AKAP19: variants seen among roughly 807,000 people sequenced by gnomAD.
AKAP19 encodes small A-kinase anchoring protein.
At chr2:189,987,125 A>G in the AKAP19 span, among the ~76,000 whole-genome samples, 1 of 152,130 alleles carries the variant, frequency 6.6e-6, no homozygotes, top group African/African-American at 2.4e-5. Context: ...GAATTCCCAC[A>G]TGTTGTGAGA....
the AKAP19 span, among the ~76,000 whole-genome samples, chr2:189,932,394 C>G: frequency 1.8e-5 from 2 of 113,024 alleles, no homozygotes; most frequent in African/African-American, 3.4e-5. Context: ...GGCGACTGAG[C>G]GAGACTCCAA....
the AKAP19 span, among the ~76,000 whole-genome samples, chr2:189,972,978 T>G: frequency 3.3e-5 from 5 of 152,334 alleles, no homozygotes; most frequent in South Asian, 1.0e-3. Context: ...CTTTATTTCT[T>G]TCTCTTGCCT....
chr2:190,087,161 T>C, the AKAP19 span, among the ~76,000 whole-genome samples: 1 of 152,174 alleles, frequency 6.6e-6, no homozygotes, highest in African/African-American at 2.4e-5. Flanking sequence ...ATACAATAAC[T>C]TGTGGGACAG....
the AKAP19 span, among the ~76,000 whole-genome samples, chr2:189,980,129 A>G: frequency 1.3e-5 from 2 of 152,194 alleles, no homozygotes; most frequent in Non-Finnish European, 2.9e-5. Context: ...TTATCACAGC[A>G]TTATTTATAA....
chr2:189,949,628 TTTC>T, the AKAP19 span, among the ~76,000 whole-genome samples: 1 of 147,106 alleles, frequency 6.8e-6, no homozygotes, highest in African/African-American at 2.6e-5. Context: ...CTACTTTTTC[TTTC>T]TTTTTTTTTT....
chr2:189,943,239 C>A, the AKAP19 span, among the ~76,000 whole-genome samples: 2 of 152,212 alleles, frequency 1.3e-5, no homozygotes, highest in African/African-American at 4.8e-5. Flanking sequence ...CTCTGCACAG[C>A]CTCAGGACAG....
At chr2:189,990,385 G>A in the AKAP19 span, among the ~76,000 whole-genome samples, 1 of 151,896 alleles carries the variant, frequency 6.6e-6, no homozygotes, top group Non-Finnish European at 1.5e-5. Flanking sequence ...TACTGAGATG[G>A]TTGTGTGGTT....
the AKAP19 span, chr2:190,056,776 G>A: frequency 1.8e-5 from 3 of 164,390 alleles, no homozygotes; most frequent in Admixed American, 1.7e-4. Context: ...TATTTTTGTG[G>A]AATTTTATCT....
chr2:189,991,064 T>C, the AKAP19 span, among the ~76,000 whole-genome samples: 1 of 152,228 alleles, frequency 6.6e-6, no homozygotes, highest in African/African-American at 2.4e-5. Flanking sequence ...CATGGTATTA[T>C]ATATACCACA....
At chr2:190,053,855 T>C in the AKAP19 span, among the ~76,000 whole-genome samples, 4 of 152,178 alleles carry the variant, frequency 2.6e-5, no homozygotes, top group Non-Finnish European at 4.4e-5. Context: ...TTATACACTA[T>C]TTAGCAATAT....
At chr2:189,999,984 G>A in the AKAP19 span, among the ~76,000 whole-genome samples, 363 of 152,286 alleles carry the variant, frequency 2.4e-3, 1 homozygote, top group African/African-American at 8.4e-3. Flanking sequence ...ATGGACTTAT[G>A]GGTATATACT....
chr2:189,893,021 T>G, the AKAP19 span, among the ~76,000 whole-genome samples: 1 of 152,176 alleles, frequency 6.6e-6, no homozygotes, highest in Non-Finnish European at 1.5e-5. Flanking sequence ...CCTGGTGGCT[T>G]TGTTTACACT....
At chr2:190,136,881 C>T in the AKAP19 span, among the ~76,000 whole-genome samples, 3 of 152,270 alleles carry the variant, frequency 2.0e-5, no homozygotes, top group African/African-American at 7.2e-5. Context: ...CTGCAGGAAG[C>T]AATTATGACT....
chr2:190,111,807 G>GT, the AKAP19 span, among the ~76,000 whole-genome samples: 2 of 152,002 alleles, frequency 1.3e-5, no homozygotes, highest in Non-Finnish European at 2.9e-5. Context: ...AAAAACAATT[G>GT]TTTTTTGTGT....
At chr2:189,910,143 A>T in the AKAP19 span, among the ~76,000 whole-genome samples, 1 of 137,730 alleles carries the variant, frequency 7.3e-6, no homozygotes, top group Non-Finnish European at 1.5e-5. Context: ...CTAAATAAAC[A>T]AATGTGCAAC....
chr2:190,166,341 T>TTG, the AKAP19 span, among the ~76,000 whole-genome samples: 1 of 135,852 alleles, frequency 7.4e-6, no homozygotes, highest in Non-Finnish European at 1.6e-5. Context: ...TTTTTTTTTT[T>TTG]GCTGAGGTCT....
At chr2:190,038,958 C>CTTA in the AKAP19 span, among the ~76,000 whole-genome samples, 5 of 144,532 alleles carry the variant, frequency 3.5e-5, no homozygotes, top group African/African-American at 1.3e-4. Flanking sequence ...TCTTCTTCTT[C>CTTA]TTCTTCTTCT....
At chr2:190,142,003 A>C in the AKAP19 span, among the ~76,000 whole-genome samples, 1 of 152,204 alleles carries the variant, frequency 6.6e-6, no homozygotes, top group African/African-American at 2.4e-5. Flanking sequence ...TTACCTCTTC[A>C]TGCTACTTCG....
At chr2:190,004,221 T>A in the AKAP19 span, among the ~76,000 whole-genome samples, 4 of 152,068 alleles carry the variant, frequency 2.6e-5, no homozygotes, top group Non-Finnish European at 4.4e-5. Context: ...CATGTATACA[T>A]ATGTAACTAA....
Sources: allele counts gnomAD v4.1 joint callset (sites outside exome capture counted in the v4.1 genomes callset), GRCh38; gene constraint gnomAD v4.1.1; transcripts MANE v1.5; gene names NCBI Gene and HGNC (gene_info 2026-07-23, HGNC 2026-07-21).